RADIL: variants seen among roughly 807,000 people sequenced by gnomAD.
RADIL encodes the protein ras-associating and dilute domain-containing protein.
Under a neutral mutation model 97.6 loss-of-function variants are expected in RADIL, and 99 were observed. The observed-to-expected ratio is 1.01, with a 90% CI of 0.86 to 1.20. The LOEUF is 1.20. RADIL is among the 50% of genes most tolerant of loss of function. The pLI is 0.00. For synonymous variants in RADIL, 803 were observed against 691.8 expected (o/e 1.16, Z -2.52); for missense variants, 1,765 against 1,498.9 (o/e 1.18, Z -2.93).
rs1220882875 is a variant in RADIL at position 4,878,150 on chromosome 7, G to A, written c.-11C>T. Reference sequence around the variant, plus strand: ...CGTCCCATAAAACATGGTGGGTGAGGCTTCATGGATGAGGACTGTGGGCTT... The same window carrying A: ...CGTCCCATAAAACATGGTGGGTGAGACTTCATGGATGAGGACTGTGGGCTT... On this transcript the variant is annotated 5_prime_UTR_variant, in exon 2 of 15. Transcript: ENST00000399583. This position sits in a 1 kb window ranked among gnomAD's most constrained non-coding sequence, Gnocchi z 4.1. 5.9e-6 allele frequency: 9 copies of A among 1,531,406 alleles called. No homozygotes were observed. The highest frequency in any genetic ancestry group is 6.1e-6 in the Non-Finnish European group (7 of 1,139,680). 94.9% of individuals were successfully genotyped at this position (1,531,406 alleles called of 1,614,324 possible).
At chr7:4,874,784 G>A (rs551294118) in intron 2 of RADIL, among the ~76,000 whole-genome samples, 100 of 152,334 alleles carry the variant, frequency 6.6e-4, no homozygotes, top group Middle Eastern at 3.4e-3. Flanking sequence ...TTGGCCGGGT[G>A]TGGTGGCTCA....
intron 9 of RADIL, chr7:4,809,419 C>T (rs1782471110): frequency 7.1e-6 from 7 of 985,442 alleles, no homozygotes; most frequent in South Asian, 4.7e-5. Flanking sequence ...GCCTCCTTTC[C>T]GTGCACACAG....
rs1327705789 is a variant in RADIL at position 4,878,272 on chromosome 7, G to A, written c.-64-69C>T. 21 of 1,023,310 alleles carry A rather than the reference G, an allele frequency of 2.1e-5. No homozygotes were observed. In the Admixed American group the frequency reaches 2.4e-4, roughly 12 times the overall value. 63.4% of individuals were successfully genotyped at this position (1,023,310 alleles called of 1,614,324 possible). On this transcript the variant is annotated intron_variant, in intron 1 of 14. Transcript: ENST00000399583. This position sits in a 1 kb window ranked among gnomAD's most constrained non-coding sequence, Gnocchi z 4.1. ...ACCAAGAGCAAATGAGGCCACAGGC[G>A]GTGACTCCTGCCCGTCATCCCAGCG...
intron 2 of RADIL, among the ~76,000 whole-genome samples, chr7:4,868,315 G>T (rs1784175182): frequency 6.6e-6 from 1 of 152,200 alleles, no homozygotes; most frequent in Non-Finnish European, 1.5e-5. Context: ...GCCCGCCTCG[G>T]CCTCCCAAAG....
chr7:4,862,457 G>A (rs780758272), intron 2 of RADIL, among the ~76,000 whole-genome samples: 3 of 152,220 alleles, frequency 2.0e-5, no homozygotes, highest in Admixed American at 6.5e-5. Flanking sequence ...CTTTAAGGGC[G>A]CGATACTGCT....
chr7:4,879,260 T>C lies in RADIL; in HGVS notation c.-64-1057A>G, dbSNP rs552753559. ...GCGTTGGCGTGTCATACAATCACAC[T>C]TCTAATGTCCGTAGCGTGCCCAGGG... On this transcript the variant is annotated intron_variant, in intron 1 of 14. Transcript: ENST00000399583. The surrounding 1 kb of genome is among the most constrained non-coding windows in gnomAD (Gnocchi z 4.1). 6.6e-6 allele frequency among the ~76,000 whole-genome samples: 1 copy of C among 152,330 alleles called. No individual in the cohort carries two copies. The highest frequency in any genetic ancestry group is 2.1e-4 in the South Asian group (1 of 4,826).
At chr7:4,860,289 C>T in intron 2 of RADIL, 1 of 1,613,898 alleles carries the variant, frequency 6.2e-7, no homozygotes, top group Non-Finnish European at 8.5e-7. Context: ...GTTGAGTGTG[C>T]TTTCTTGTCC....
chr7:4,809,359 AT>A, intron 9 of RADIL: 1 of 985,072 alleles, frequency 1.0e-6, no homozygotes, highest in South Asian at 4.7e-5. Flanking sequence ...TTCTAGAAAT[AT>A]CCCCGCCCGG....
At position 4,814,068 on chromosome 7, in the gene RADIL, C is replaced by T. The variant is rs1782613571; in HGVS notation, c.2139+1210G>A. ...GCACTGGGAGGACAGGCATGAGCCA[C>T]CGTGCCTGGCCGAGTCAGCTTTCTT... On this transcript the variant is annotated intron_variant, in intron 9 of 14. Transcript: ENST00000399583. This position sits in a 1 kb window ranked among gnomAD's most constrained non-coding sequence, Gnocchi z 4.5. Among the ~76,000 whole-genome samples the T allele has an allele frequency of 6.6e-6, 1 of 152,196 alleles. No homozygotes were observed. Among genetic ancestry groups the T allele is most frequent in the Non-Finnish European group, 1.5e-5 (1 of 68,038 alleles).
Position 4,867,308 on chromosome 7 carries a change from C to G in RADIL, c.535+10297G>C, listed in dbSNP as rs777715805. ...AGCTCCGTTCCTGGAAGAATGCCTCCGAGAACTCTGCACAAGCCCTCAACA... is the reference window on the plus strand; with the variant it reads ...AGCTCCGTTCCTGGAAGAATGCCTCGGAGAACTCTGCACAAGCCCTCAACA... On this transcript the variant is annotated intron_variant, in intron 2 of 14. Transcript: ENST00000399583. This position sits in a 1 kb window ranked among gnomAD's most constrained non-coding sequence, Gnocchi z 4.1. Among the ~76,000 whole-genome samples, 2 of 152,118 alleles carry G rather than the reference C, an allele frequency of 1.3e-5. No individual in the cohort carries two copies. Among genetic ancestry groups the G allele is most frequent in the Non-Finnish European group, 1.5e-5 (1 of 68,034 alleles).
Position 4,819,687 on chromosome 7 carries a change from C to T in RADIL, c.1616-2336G>A, listed in dbSNP as rs1221914165. Among the ~76,000 whole-genome samples the T allele has an allele frequency of 1.3e-5, 2 of 152,212 alleles. No individual in the cohort carries two copies. Among genetic ancestry groups the T allele is most frequent in the Non-Finnish European group, 2.9e-5 (2 of 68,032 alleles). Reference sequence around the variant, plus strand: ...GACCCACCCTCGGGACGCGACAGCCCTGCTCTCCGAATTCTTCCCACAGAC... The same window carrying T: ...GACCCACCCTCGGGACGCGACAGCCTTGCTCTCCGAATTCTTCCCACAGAC... On this transcript the variant is annotated intron_variant, in intron 6 of 14. Coordinates refer to ENST00000399583, the MANE Select transcript of RADIL (RefSeq NM_018059.5). This position sits in a 1 kb window ranked among gnomAD's most constrained non-coding sequence, Gnocchi z 5.8.
At chr7:4,850,773 C>T (rs1455461353) in intron 2 of RADIL, among the ~76,000 whole-genome samples, 2 of 152,184 alleles carry the variant, frequency 1.3e-5, no homozygotes, top group Admixed American at 6.5e-5. Context: ...GAACGCAGCC[C>T]AGCCGATACC....
In RADIL at chr7:4,843,092, T is replaced by C. The variant is rs773930404; in HGVS notation, c.536-6487A>G. Reference sequence around the variant, plus strand: ...TGCCATTTCAGCTCACTGCAACCTCTGCCTCCCGGGTTCAAGTGATTCTTG... The same window carrying C: ...TGCCATTTCAGCTCACTGCAACCTCCGCCTCCCGGGTTCAAGTGATTCTTG... On this transcript the variant is annotated intron_variant, in intron 2 of 14. Transcript: ENST00000399583. Among the ~76,000 whole-genome samples the C allele has an allele frequency of 2.0e-5, 3 of 150,490 alleles. No individual in the cohort carries two copies. The East Asian group carries it at 5.9e-4, about 30-fold the overall frequency.
intron 13 of RADIL, 143 bp downstream of exon 13, chr7:4,800,028 C>G: frequency 7.7e-7 from 1 of 1,306,228 alleles, no homozygotes; most frequent in Non-Finnish European, 1.0e-6. Context: ...GGGTTCCCCT[C>G]CCAGCTGCAG....
At chr7:4,805,986 C>T (rs1004674560) in intron 9 of RADIL, 69 of 985,342 alleles carry the variant, frequency 7.0e-5, no homozygotes, top group Admixed American at 2.5e-4. Context: ...AAGGGCCGGC[C>T]TCACAGGCGG....
Position 4,814,876 on chromosome 7 carries a change from T to C in RADIL, c.2139+402A>G, listed in dbSNP as rs1187034005. ...AGAGGCCACTGCACTCCTGTGCTCC[T>C]GGCCCCTCCTCCAGCCTCAGAGCCA... On this transcript the variant is annotated intron_variant, in intron 9 of 14. Coordinates refer to ENST00000399583, the MANE Select transcript of RADIL (RefSeq NM_018059.5). The surrounding 1 kb of genome is among the most constrained non-coding windows in gnomAD (Gnocchi z 4.5). Among the ~76,000 whole-genome samples, 1 of 152,230 alleles carries C rather than the reference T, an allele frequency of 6.6e-6. No individual in the cohort carries two copies. Among genetic ancestry groups the C allele is most frequent in the East Asian group, 1.9e-4 (1 of 5,188 alleles).
rs146562665 is a variant in RADIL at position 4,813,029 on chromosome 7, G to A, written c.2139+2249C>T. Among the ~76,000 whole-genome samples, 670 of 152,226 alleles carry A rather than the reference G, an allele frequency of 4.4e-3. 2 individuals carry two copies. Among genetic ancestry groups the A allele is most frequent in the Middle Eastern group, 0.02 (6 of 294 alleles). The stretch of plus-strand genomic sequence containing the variant: ...GAGTTGGGGTTGGCAAGCTTTTGGT[G>A]AGGCTCAGACAGCCTCTGCTTCATC... On this transcript the variant is annotated intron_variant, in intron 9 of 14. Coordinates refer to ENST00000399583, the MANE Select transcript of RADIL (RefSeq NM_018059.5). This position sits in a 1 kb window ranked among gnomAD's most constrained non-coding sequence, Gnocchi z 5.0.
chr7:4,865,222 A>G (rs1469871331), intron 2 of RADIL, among the ~76,000 whole-genome samples: 4 of 152,222 alleles, frequency 2.6e-5, no homozygotes, highest in African/African-American at 9.6e-5. Flanking sequence ...AAATGAGCAC[A>G]TGTGCTTCTT....
rs1033387773 is a variant in RADIL at position 4,872,969 on chromosome 7, G to C, written c.535+4636C>G. On this transcript the variant is annotated intron_variant, in intron 2 of 14. Transcript: ENST00000399583. This position sits in a 1 kb window ranked among gnomAD's most constrained non-coding sequence, Gnocchi z 5.8. ...TGTTTTTCTTTTGAGTCAGAGTCTC[G>C]CTCTGTCACCCAGGCTGGAGTGCAG... Among the ~76,000 whole-genome samples the C allele has an allele frequency of 2.0e-5, 3 of 152,082 alleles. No individual in the cohort carries two copies. The highest frequency in any genetic ancestry group is 4.4e-5 in the Non-Finnish European group (3 of 68,014).
Sources: gnomAD v4.1 joint callset for allele counts (sites outside exome capture counted in the v4.1 genomes callset) on GRCh38, gnomAD v4.1.1 for gene constraint, Gnocchi (gnomAD v3.1) non-coding constraint, MANE v1.5 for transcripts, NCBI Gene and HGNC (gene_info 2026-07-23, HGNC 2026-07-21) for gene names.